The following MVB12B variants were observed in gnomAD, a reference collection of about 807,000 sequenced individuals.
MVB12B encodes the protein ESCRT-I complex subunit MVB12B.
In MVB12B, 16 loss-of-function variants were observed where a neutral mutation model predicts 41.6. That is an observed-to-expected ratio of 0.38 (90% confidence interval 0.26 to 0.58). The LOEUF (loss-of-function observed/expected upper bound fraction) is 0.58. Among genes scored for constraint, MVB12B ranks in the 20% least tolerant of loss-of-function variants. The probability of loss-of-function intolerance (pLI) is 0.62; values close to 1 mark genes in which losing one functional copy is unlikely to be tolerated. For synonymous variants in MVB12B, 133 were observed against 139.7 expected, an observed-to-expected ratio of 0.95 and a Z score of 0.34; for missense variants, 274 against 380.2, an observed-to-expected ratio of 0.72 and a Z score of 2.32.
At position 126,436,612 on chromosome 9, in the gene MVB12B, C is replaced by T. The variant is rs1010656737; in HGVS notation, c.757+14664C>T. On this transcript the variant is annotated intron_variant, in intron 7 of 9. Transcript: ENST00000361171. This position sits in a 1 kb window ranked among gnomAD's most constrained non-coding sequence, Gnocchi z 4.1. ...ATGTATGCAACTTGCAGCTGTGGAG[C>T]TGTAACTACATCTGTGAGCAAGATT... Among the ~76,000 whole-genome samples, 11 of 152,198 alleles carry T rather than the reference C, an allele frequency of 7.2e-5. No homozygotes were observed. Among genetic ancestry groups the T allele is most frequent in the Non-Finnish European group, 4.4e-5 (3 of 68,044 alleles).
At chr9:126,407,041 A>C (rs1186237955) in intron 6 of MVB12B, among the ~76,000 whole-genome samples, 1 of 152,222 alleles carries the variant, frequency 6.6e-6, no homozygotes, top group African/African-American at 2.4e-5. Context: ...GAAATTCAAC[A>C]CAAGTGTATA....
At chr9:126,415,361 A>G (rs1489129304) in intron 6 of MVB12B, among the ~76,000 whole-genome samples, 1 of 152,198 alleles carries the variant, frequency 6.6e-6, no homozygotes, top group African/African-American at 2.4e-5. Context: ...CTGTGGTCAT[A>G]GGCATAGGCA....
chr9:126,454,773 G>A (rs1484867131), intron 7 of MVB12B, among the ~76,000 whole-genome samples: 1 of 151,442 alleles, frequency 6.6e-6, no homozygotes, highest in Admixed American at 6.6e-5. Flanking sequence ...GGTAGGGGTC[G>A]ATGACCATAA....
intron 9 of MVB12B, among the ~76,000 whole-genome samples, chr9:126,496,202 T>TCCCATCC (rs1833827931): frequency 5.1e-5 from 1 of 19,482 alleles, no homozygotes; most frequent in African/African-American, 2.1e-4. Flanking sequence ...CCCACCCACC[T>TCCCATCC]ACCCACCCGT....
intron 9 of MVB12B, among the ~76,000 whole-genome samples, chr9:126,496,215 A>G (rs1158341928): frequency 1.3e-4 from 3 of 23,616 alleles, no homozygotes; most frequent in East Asian, 1.6e-3. Context: ...CCACCCGTCC[A>G]TCCACCCACC....
chr9:126,500,597 A>G (rs914870449), intron 9 of MVB12B, among the ~76,000 whole-genome samples: 1 of 152,206 alleles, frequency 6.6e-6, no homozygotes, highest in Non-Finnish European at 1.5e-5. Context: ...ACCCAGTCAG[A>G]ATCTGCATTT....
rs1268902363 is a variant in MVB12B, at chr9:126,484,008, A to G, written c.849A>G (p.Lys283=). The G allele has an allele frequency of 1.9e-6, 3 of 1,613,920 alleles. No homozygotes were observed. Among genetic ancestry groups the G allele is most frequent in the Non-Finnish European group, 2.5e-6 (3 of 1,180,018 alleles). Residue 283 remains lysine (K), a synonymous_variant, in exon 9 of 10, where the codon AAA becomes AAG. Coordinates refer to ENST00000361171, the MANE Select transcript of MVB12B (RefSeq NM_033446.3). ...QPFDLLGITI[K]SLAEIEKEYE... is the part of the protein sequence containing the mutation. ...TTGATCTCCTGGGAATCACCATCAA[A>G]TCTCTAGCAGAAATCGAAAAAGAGG...
chr9:126,492,036 G>T (rs760258679), intron 9 of MVB12B, among the ~76,000 whole-genome samples: 24 of 151,190 alleles, frequency 1.6e-4, no homozygotes, highest in Non-Finnish European at 3.1e-4. Context: ...GAGTACCAAG[G>T]TTGTCCATGT....
At chr9:126,342,803 T>A (rs1829483758) in intron 2 of MVB12B, among the ~76,000 whole-genome samples, 1 of 152,178 alleles carries the variant, frequency 6.6e-6, no homozygotes. Flanking sequence ...ATCTGGAGTT[T>A]CATATTAAGT....
chr9:126,475,885 A>C (rs1445233810), intron 7 of MVB12B, among the ~76,000 whole-genome samples: 1 of 152,232 alleles, frequency 6.6e-6, no homozygotes, highest in Non-Finnish European at 1.5e-5. Context: ...TCTATTTTCT[A>C]GAAGAACATA....
At chr9:126,477,219 A>G (rs2119199495) in intron 7 of MVB12B, among the ~76,000 whole-genome samples, 1 of 152,310 alleles carries the variant, frequency 6.6e-6, no homozygotes, top group Non-Finnish European at 1.5e-5. Flanking sequence ...AGATCTTGTG[A>G]GAATCACTCA....
chr9:126,335,589 GTAT>G (rs1172632286), intron 1 of MVB12B, among the ~76,000 whole-genome samples: 2 of 152,196 alleles, frequency 1.3e-5, no homozygotes, highest in Non-Finnish European at 2.9e-5. Context: ...AGGTGGGCAT[GTAT>G]TCCTACAGAC....
chr9:126,417,080 G>T (rs913469671), intron 6 of MVB12B, among the ~76,000 whole-genome samples: 1 of 152,196 alleles, frequency 6.6e-6, no homozygotes, highest in Non-Finnish European at 1.5e-5. Context: ...TGCTTCCTGT[G>T]TCCAGGAGTA....
rs1199522487 is a variant in MVB12B, at chr9:126,478,283, G to A, written c.758-3086G>A. On this transcript the variant is annotated intron_variant, in intron 7 of 9. Coordinates refer to ENST00000361171, the MANE Select transcript of MVB12B (RefSeq NM_033446.3). The surrounding 1 kb of genome is among the most constrained non-coding windows in gnomAD (Gnocchi z 4.2). ...AGCAGGCGGGGGTAGCAGTGAGCAG[G>A]GTCCCCAGGTCCTGAGAGAGTTAGG... Among the ~76,000 whole-genome samples, 1 of 152,118 alleles carries A rather than the reference G, an allele frequency of 6.6e-6. No homozygotes were observed. The highest frequency in any genetic ancestry group is 1.5e-5 in the Non-Finnish European group (1 of 68,020).
chr9:126,413,849 T>TGTGCGTGC (rs148914544), intron 6 of MVB12B, among the ~76,000 whole-genome samples: 1 of 148,516 alleles, frequency 6.7e-6, no homozygotes, highest in Admixed American at 6.7e-5. Context: ...TGTGTGTGTG[T>TGTGCGTGC]GTGTATAAGG....
intron 1 of MVB12B, among the ~76,000 whole-genome samples, chr9:126,330,681 T>C (rs1362330921): frequency 1.3e-5 from 2 of 152,200 alleles, no homozygotes; most frequent in African/African-American, 4.8e-5. Context: ...TTATGCACAT[T>C]CACACTGTGG....
At chr9:126,461,160 G>A (rs138596841) in intron 7 of MVB12B, among the ~76,000 whole-genome samples, 5 of 152,274 alleles carry the variant, frequency 3.3e-5, no homozygotes, top group Admixed American at 2.6e-4. Context: ...TTCATTTTCC[G>A]TGGAGGCCAG....
At chr9:126,410,376 C>T (rs1205129713) in intron 6 of MVB12B, among the ~76,000 whole-genome samples, 2 of 152,132 alleles carry the variant, frequency 1.3e-5, no homozygotes, top group African/African-American at 4.8e-5. Context: ...AGAGCATGAA[C>T]GCACATCCTA....
chr9:126,342,698 G>A (rs942642446), intron 2 of MVB12B, among the ~76,000 whole-genome samples: 2 of 152,208 alleles, frequency 1.3e-5, no homozygotes, highest in Non-Finnish European at 1.5e-5. Context: ...CCTCTGGACT[G>A]TGTGCAGATA....
Sources: gnomAD v4.1 joint callset for allele counts (sites outside exome capture counted in the v4.1 genomes callset) on GRCh38, gnomAD v4.1.1 for gene constraint, Gnocchi (gnomAD v3.1) non-coding constraint, MANE v1.5 for transcripts, NCBI Gene and HGNC (gene_info 2026-07-23, HGNC 2026-07-21) for gene names.